The following NTRK3 variants were observed in gnomAD, a reference collection of about 807,000 sequenced individuals.
The protein encoded by NTRK3 is neurotrophic receptor tyrosine kinase 3.
Under a neutral mutation model 91.7 loss-of-function variants are expected in NTRK3, and 24 were observed. The observed-to-expected ratio is 0.26, with a 90% CI of 0.19 to 0.37. NTRK3 has a LOEUF of 0.37. Among genes scored for constraint, NTRK3 ranks in the 10% least tolerant of loss-of-function variants. The pLI, the probability that NTRK3 is intolerant of heterozygous loss-of-function variation, is 1.00. For missense variants in NTRK3, 880 were observed against 1,068.9 expected, an observed-to-expected ratio of 0.82 and a Z score of 2.46; for synonymous variants, 483 against 404.0, an observed-to-expected ratio of 1.20 and a Z score of -2.34.
chr15:88,012,218 C>T (rs992773967), intron 14 of NTRK3, among the ~76,000 whole-genome samples: 1 of 152,224 alleles, frequency 6.6e-6, no homozygotes, highest in Non-Finnish European at 1.5e-5. Context: ...ATGAGATCCT[C>T]GACGAACTGT....
intron 14 of NTRK3, among the ~76,000 whole-genome samples, chr15:88,011,877 T>C (rs1408204367): frequency 1.3e-5 from 2 of 152,218 alleles, no homozygotes; most frequent in African/African-American, 4.8e-5. Context: ...ATGGTAATAG[T>C]GCTGACAGCC....
At chr15:88,140,571 A>C (rs1381595118) in intron 6 of NTRK3, among the ~76,000 whole-genome samples, 1 of 152,254 alleles carries the variant, frequency 6.6e-6, no homozygotes, top group Non-Finnish European at 1.5e-5. Context: ...CATATCTATC[A>C]GTATCTACCA....
chr15:88,029,153 AG>A (rs1164621717), intron 14 of NTRK3, among the ~76,000 whole-genome samples: 1 of 152,136 alleles, frequency 6.6e-6, no homozygotes, highest in Non-Finnish European at 1.5e-5. Flanking sequence ...AAAAATAATG[AG>A]GGGGGCTTTA....
At chr15:87,880,932 A>C (rs1186140349) in intron 17 of NTRK3, among the ~76,000 whole-genome samples, 1 of 152,252 alleles carries the variant, frequency 6.6e-6, no homozygotes, top group African/African-American at 2.4e-5. Context: ...CAGTGTTTCA[A>C]GTGAAGGAGA....
rs371922051 is a variant in NTRK3, at chr15:88,164,215, A to G, written c.396-16812T>C. On this transcript the variant is annotated intron_variant, in intron 5 of 18. Transcript: ENST00000394480. The stretch of plus-strand genomic sequence containing the variant: ...CCCCACGGTCTTGGCCCCTTGCTGG[A>G]CCCACACGGTGGTGGGCTGCAGCCG... Among the ~76,000 whole-genome samples, 456 of 152,318 alleles carry G rather than the reference A, an allele frequency of 3.0e-3. 1 individual carries two copies. The highest frequency in any genetic ancestry group is 5.1e-3 in the Non-Finnish European group (345 of 68,030).
intron 17 of NTRK3, among the ~76,000 whole-genome samples, chr15:87,883,398 T>A (rs1445464676): frequency 6.7e-6 from 1 of 148,330 alleles, no homozygotes; most frequent in Non-Finnish European, 1.5e-5. Context: ...TATATGTATA[T>A]GTGTGTGTAT....
intron 17 of NTRK3, among the ~76,000 whole-genome samples, chr15:87,920,599 A>G (rs1409447327): frequency 6.6e-6 from 1 of 152,214 alleles, no homozygotes; most frequent in African/African-American, 2.4e-5. Flanking sequence ...CTATATGAAG[A>G]TGGCTGCCCC....
exon 19 of NTRK3, chr15:87,869,683 ATCT>A (rs778533799): frequency 5.1e-4 from 102 of 199,934 alleles, no homozygotes; most frequent in Non-Finnish European, 5.1e-4. Context: ...ATGAAAAAAA[ATCT>A]TCTTCACTGA....
intron 3 of NTRK3, among the ~76,000 whole-genome samples, chr15:88,214,569 C>T (rs893741777): frequency 6.6e-6 from 1 of 151,392 alleles, no homozygotes; most frequent in Non-Finnish European, 1.5e-5. Context: ...TACAAGGACA[C>T]TACTGAACCT....
intron 13 of NTRK3, chr15:88,099,016 A>G: frequency 4.3e-6 from 1 of 231,664 alleles, no homozygotes; most frequent in Non-Finnish European, 8.5e-6. Context: ...AATCTTGCAA[A>G]GGTGGTAGGG....
At chr15:87,905,011 G>T (rs1002614599) in intron 17 of NTRK3, among the ~76,000 whole-genome samples, 15 of 152,096 alleles carry the variant, frequency 9.9e-5, no homozygotes, top group African/African-American at 3.4e-4. Flanking sequence ...ACTAGACAAG[G>T]GTCCCTAAAA....
At chr15:87,906,378 T>C (rs1345112087) in intron 17 of NTRK3, among the ~76,000 whole-genome samples, 5 of 152,156 alleles carry the variant, frequency 3.3e-5, no homozygotes, top group African/African-American at 9.7e-5. Context: ...ATGCTCTGAA[T>C]GGCCAGCACA....
chr15:88,125,465 T>C (rs962267426), intron 13 of NTRK3, among the ~76,000 whole-genome samples: 1 of 152,160 alleles, frequency 6.6e-6, no homozygotes, highest in Admixed American at 6.6e-5. Context: ...AAACCTCGTA[T>C]CATGCCTCCC....
intron 6 of NTRK3, among the ~76,000 whole-genome samples, chr15:88,141,298 G>A (rs372470122): frequency 2.0e-5 from 3 of 152,154 alleles, no homozygotes; most frequent in Non-Finnish European, 2.9e-5. Flanking sequence ...TATTAGCATC[G>A]CACTTGCCGT....
rs548042962 is a variant in NTRK3, at chr15:88,230,825, A to G, written c.248+25081T>C. Reference sequence around the variant, plus strand: ...ACAAAACCACCCTGTAAATAAAGACAAAGGTAAAATGTCTTTTAAGCCAAT... The same window carrying G: ...ACAAAACCACCCTGTAAATAAAGACGAAGGTAAAATGTCTTTTAAGCCAAT... On this transcript the variant is annotated intron_variant, in intron 3 of 18. Coordinates refer to ENST00000394480, the Ensembl canonical transcript of NTRK3. 9.8e-4 allele frequency among the ~76,000 whole-genome samples: 150 copies of G among 152,356 alleles called. 1 individual carries two copies. Among genetic ancestry groups the G allele is most frequent in the African/African-American group, 3.4e-3 (141 of 41,578 alleles).
chr15:87,976,398 G>A (rs10400841), intron 14 of NTRK3, among the ~76,000 whole-genome samples: 73,209 of 152,012 alleles, frequency 0.48, 18,785 homozygotes, highest in African/African-American at 0.67. Context: ...AGACTGGAAC[G>A]TGAGCTCTTC....
At chr15:88,040,554 A>T (rs1319630730) in intron 13 of NTRK3, among the ~76,000 whole-genome samples, 2 of 152,234 alleles carry the variant, frequency 1.3e-5, no homozygotes, top group African/African-American at 4.8e-5. Context: ...CTGCCTTGGA[A>T]TTATTTTCTC....
At chr15:88,132,433 C>T (rs149219249) in intron 10 of NTRK3, among the ~76,000 whole-genome samples, 16 of 152,312 alleles carry the variant, frequency 1.1e-4, no homozygotes, top group African/African-American at 3.8e-4. Flanking sequence ...TGTCCTCCAT[C>T]TAGTACTGGC....
chr15:88,005,180 A>T (rs904299877), intron 14 of NTRK3, among the ~76,000 whole-genome samples: 14 of 152,118 alleles, frequency 9.2e-5, no homozygotes, highest in African/African-American at 3.4e-4. Context: ...TCCCTGATTG[A>T]TGCTTTCTGG....
Sources: allele counts gnomAD v4.1 joint callset (sites outside exome capture counted in the v4.1 genomes callset), GRCh38; gene constraint gnomAD v4.1.1; transcripts MANE v1.5; gene names NCBI Gene and HGNC (gene_info 2026-07-23, HGNC 2026-07-21).